Variants in ARHGAP29 observed in about 807,000 individuals in gnomAD.
The protein encoded by ARHGAP29 is Rho GTPase activating protein 29, also known as rho GTPase-activating protein 29.
In ARHGAP29, 43 loss-of-function variants were observed where a neutral mutation model predicts 122.6. The observed-to-expected ratio is 0.35, with a 90% CI of 0.27 to 0.45. The LOEUF is 0.45. Ranked by LOEUF, ARHGAP29 falls within the 20% of genes least tolerant of loss-of-function variation. ARHGAP29 has a pLI of 1.00. For synonymous variants in ARHGAP29, 506 were observed against 497.1 expected (o/e 1.02, Z -0.24); for missense variants, 1,303 against 1,477.2 (o/e 0.88, Z 1.93).
chr1:94,284,276 T>C, the ARHGAP29 span, among the ~76,000 whole-genome samples: 186 of 152,352 alleles, frequency 1.2e-3, 1 homozygote, highest in African/African-American at 4.0e-3. Flanking sequence ...GAATTTAAAT[T>C]GAAATAGCTA....
chr1:94,207,890 G>GACT (rs1381907456), intron 5 of ARHGAP29, among the ~76,000 whole-genome samples: 2 of 151,768 alleles, frequency 1.3e-5, no homozygotes, highest in African/African-American at 4.8e-5. Context: ...GCACTGGCTA[G>GACT]AGAGGAATGA....
At chr1:94,256,907 G>T (rs551837454) in intron 1 of ARHGAP29, among the ~76,000 whole-genome samples, 1 of 151,846 alleles carries the variant, frequency 6.6e-6, no homozygotes, top group African/African-American at 2.4e-5. Context: ...ATTTTACTTC[G>T]TGTATGTTTG....
Position 94,173,929 on chromosome 1 carries a change from T to C in ARHGAP29, c.3726A>G (p.Pro1242=). ...CAAACTGTTGCATTCGTTTTAGCCT[T>C]GGTCTCTGACACATTGGATTCACAT... ...LPDVNPMCQR[P]RLKRMQQFED... The change falls in exon 23 of 23, where the codon CCA becomes CCG. Residue 1242 remains proline, a synonymous_variant. Transcript: ENST00000260526. 1.2e-6 allele frequency: 2 copies of C among 1,613,938 alleles called. No individual in the cohort carries two copies. Among genetic ancestry groups the C allele is most frequent in the South Asian group, 1.1e-5 (1 of 91,074 alleles).
chr1:94,292,386 G>A, the ARHGAP29 span, among the ~76,000 whole-genome samples: 9 of 152,102 alleles, frequency 5.9e-5, no homozygotes, highest in South Asian at 2.1e-4. Flanking sequence ...GCTTCCTTGC[G>A]ATGAGTTAGA....
At chr1:94,229,146 T>C (rs1652785921) in intron 2 of ARHGAP29, among the ~76,000 whole-genome samples, 5 of 151,808 alleles carry the variant, frequency 3.3e-5, no homozygotes, top group Admixed American at 3.3e-4. Flanking sequence ...GGCCACACTT[T>C]AACGTTGTGG....
At chr1:94,273,804 C>T (rs543356107) in intron 1 of ARHGAP29, among the ~76,000 whole-genome samples, 1 of 150,390 alleles carries the variant, frequency 6.6e-6, no homozygotes, top group Non-Finnish European at 1.5e-5. Context: ...CCTGATTGAA[C>T]CCTAAGTTCT....
rs116611244 is a variant in ARHGAP29 at position 94,171,436 on chromosome 1, T to A, written c.*2433A>T. On this transcript the variant is annotated 3_prime_UTR_variant, in exon 23 of 23. Coordinates refer to ENST00000260526, the MANE Select transcript of ARHGAP29 (RefSeq NM_004815.4). ...AGTCGTTTGGACAATACGCATCATCTTGGACAATACGCCTCCCACAAGGCT... is the reference window on the plus strand; with the variant it reads ...AGTCGTTTGGACAATACGCATCATCATGGACAATACGCCTCCCACAAGGCT... Among the ~76,000 whole-genome samples the A allele has an allele frequency of 0.017, 2,514 of 152,310 alleles. 73 individuals are homozygous for A. Among genetic ancestry groups the A allele is most frequent in the African/African-American group, 0.058 (2,400 of 41,572 alleles).
intron 12 of ARHGAP29, among the ~76,000 whole-genome samples, chr1:94,198,974 G>A (rs942403683): frequency 6.6e-6 from 1 of 152,114 alleles, no homozygotes; most frequent in African/African-American, 2.4e-5. Flanking sequence ...GAGACACTGG[G>A]GCTTTATAAA....
intron 2 of ARHGAP29, among the ~76,000 whole-genome samples, chr1:94,221,874 A>T (rs1055292601): frequency 6.6e-6 from 1 of 151,864 alleles, no homozygotes. Context: ...AATGAAAGTA[A>T]TCAGGTCTCC....
intron 20 of ARHGAP29, among the ~76,000 whole-genome samples, chr1:94,179,268 A>C (rs2101353382): frequency 1.3e-5 from 2 of 152,294 alleles, no homozygotes; most frequent in South Asian, 4.1e-4. Flanking sequence ...TAAAAGTAAC[A>C]CTGCAACAAT....
chr1:94,209,679 A>G (rs971906639), intron 3 of ARHGAP29, among the ~76,000 whole-genome samples: 1 of 152,152 alleles, frequency 6.6e-6, no homozygotes, highest in Non-Finnish European at 1.5e-5. Flanking sequence ...TCAATTATTA[A>G]CACTGTTCTG....
At chr1:94,232,659 TC>T (rs1334353217) in intron 1 of ARHGAP29, among the ~76,000 whole-genome samples, 1 of 152,176 alleles carries the variant, frequency 6.6e-6, no homozygotes, top group Non-Finnish European at 1.5e-5. Context: ...TTAGAAGACT[TC>T]ATATGTTAAA....
intron 1 of ARHGAP29, among the ~76,000 whole-genome samples, chr1:94,269,679 C>G (rs371309042): frequency 6.6e-6 from 1 of 152,078 alleles, no homozygotes. Context: ...AATAATAATG[C>G]AATAGATTCA....
At position 94,174,075 on chromosome 1, in the gene ARHGAP29, T is replaced by C. The variant is rs532055279; in HGVS notation, c.3580A>G (p.Thr1194Ala). ...ASPSAAVPPG[T>A]DHDPHGLVVK... ...ACGAGACCGTGGGGATCGTGATCTG[T>C]GCCAGGAGGCACTGCTGCTGAGGGT... The change falls in exon 23 of 23, where the codon ACA (threonine) becomes GCA (alanine). Residue 1194 changes from threonine to alanine, a missense_variant. Around this residue, in one of 3 missense-constraint regions of ARHGAP29, gnomAD observed 620 missense variants for 651.2 expected, o/e 0.95. Coordinates refer to ENST00000260526, the MANE Select transcript of ARHGAP29 (RefSeq NM_004815.4). 6.2e-7 allele frequency: 1 copy of C among 1,614,212 alleles called. No homozygotes were observed. The highest frequency in any genetic ancestry group is 1.3e-5 in the African/African-American group (1 of 75,076).
chr1:94,205,153 G>T lies in ARHGAP29; in HGVS notation c.605C>A (p.Thr202Asn). The change falls in exon 7 of 23, where the codon ACT (threonine) becomes AAT (asparagine). Residue 202 changes from threonine (T) to asparagine (N), a missense_variant. Physicochemically the swap from Thr to Asn is moderately conservative, Grantham distance 65. Transcript: ENST00000260526. Reference sequence around the variant, plus strand: ...TGACAAAGCCAGCTCGATAGAGTCAGTGTTCTTTAACAGCACGTTGTCTAG... The same window carrying T: ...TGACAAAGCCAGCTCGATAGAGTCATTGTTCTTTAACAGCACGTTGTCTAG... ...LELDNVLLKNTDSIELALSYA... is the reference protein window; with the variant it reads ...LELDNVLLKNNDSIELALSYA... The T allele has an allele frequency of 6.2e-7, 1 of 1,608,404 alleles. No individual in the cohort carries two copies. The highest frequency in any genetic ancestry group is 1.1e-5 in the South Asian group (1 of 89,754).
chr1:94,176,271 A>G (rs1649085360), intron 22 of ARHGAP29, among the ~76,000 whole-genome samples: 1 of 152,166 alleles, frequency 6.6e-6, no homozygotes, highest in Admixed American at 6.5e-5. Flanking sequence ...ATGTGTATCT[A>G]TGTTGCTGTG....
the ARHGAP29 span, among the ~76,000 whole-genome samples, chr1:94,288,622 T>C: frequency 1.8e-3 from 268 of 152,350 alleles, 1 homozygote; most frequent in African/African-American, 6.1e-3. Flanking sequence ...AGGGTTTTTA[T>C]GGTTTTAGGT....
At chr1:94,279,353 GA>G (rs1655280924), upstream of ARHGAP29, among the ~76,000 whole-genome samples, 1 of 152,138 alleles carries the variant, frequency 6.6e-6, no homozygotes, top group African/African-American at 2.4e-5. Context: ...TCTCTTCTCT[GA>G]CTTCCCTGAC....
chr1:94,176,954 T>C (rs1649132719), intron 22 of ARHGAP29: 1 of 152,186 alleles, frequency 6.6e-6, no homozygotes, highest in African/African-American at 2.4e-5. Flanking sequence ...GATTACACAT[T>C]AAATTTAACA....
Sources: allele counts gnomAD v4.1 joint callset (sites outside exome capture counted in the v4.1 genomes callset), GRCh38; gene constraint gnomAD v4.1.1; regional missense constraint gnomAD v4.1.1; transcripts MANE v1.5; gene names NCBI Gene and HGNC (gene_info 2026-07-23, HGNC 2026-07-21).